ZNF648: variants seen among roughly 807,000 people sequenced by gnomAD.
The protein encoded by ZNF648 is zinc finger protein 648.
ZNF648 carries 1 observed loss-of-function variant against 0.3 expected under a neutral mutation model. The observed-to-expected ratio is 3.90, with a 90% CI of 1.39 to 18.51. The LOEUF is 18.51. Ranked by LOEUF, ZNF648 falls within the 30% of genes most tolerant of loss-of-function variation. The pLI is 0.11. For missense variants in ZNF648, 874 were observed against 769.7 expected (o/e 1.14, Z -1.60); for synonymous variants, 376 against 326.8 (o/e 1.15, Z -1.62).
the ZNF648 span, among the ~76,000 whole-genome samples, chr1:182,068,706 T>C: frequency 6.6e-6 from 1 of 151,936 alleles, no homozygotes; most frequent in Admixed American, 6.6e-5. Context: ...GAGGATCCCT[T>C]GAGCCCAGGA....
upstream of ZNF648, chr1:182,064,278 A>T (rs1210577484): frequency 6.6e-6 from 1 of 152,218 alleles, no homozygotes; most frequent in Non-Finnish European, 1.5e-5. Flanking sequence ...CTGAATCTAT[A>T]AATTGCTTTG....
chr1:182,062,670 G>T (rs188233503), upstream of ZNF648: 1 of 152,106 alleles, frequency 6.6e-6, no homozygotes, highest in Admixed American at 6.5e-5. Flanking sequence ...ACCCAAAAAC[G>T]TTAGCTGCTT....
upstream of ZNF648, among the ~76,000 whole-genome samples, chr1:182,066,394 G>T (rs1448291445): frequency 6.6e-6 from 1 of 152,210 alleles, no homozygotes; most frequent in East Asian, 1.9e-4. Flanking sequence ...ATCTGCCTGA[G>T]CTGCTTCCAA....
intron 1 of ZNF648, among the ~76,000 whole-genome samples, chr1:182,058,716 C>G (rs6656200): frequency 1.3e-5 from 2 of 152,342 alleles, no homozygotes; most frequent in African/African-American, 4.8e-5. Context: ...GCCAGGAAGG[C>G]TACCCATAAG....
At chr1:182,065,536 G>A (rs1295115127), upstream of ZNF648, among the ~76,000 whole-genome samples, 2 of 152,134 alleles carry the variant, frequency 1.3e-5, no homozygotes, top group African/African-American at 4.8e-5. Context: ...AATTGTCCAC[G>A]TGAGTCCTCC....
chr1:182,060,414 T>C (rs1206442460), intron 1 of ZNF648, among the ~76,000 whole-genome samples: 1 of 152,208 alleles, frequency 6.6e-6, no homozygotes, highest in Non-Finnish European at 1.5e-5. Flanking sequence ...TTCTGCCTGA[T>C]CATGAGCCCA....
At chr1:182,063,430 T>A (rs1449837706), upstream of ZNF648, 1 of 152,262 alleles carries the variant, frequency 6.6e-6, no homozygotes, top group Non-Finnish European at 1.5e-5. Flanking sequence ...ATTGTGGTTT[T>A]AATTTGCATT....
In ZNF648 at chr1:182,057,210, G is replaced by T; in HGVS notation, c.801C>A (p.Ser267Arg). The T allele has an allele frequency of 6.4e-7, 1 of 1,570,122 alleles. No individual in the cohort carries two copies. Among genetic ancestry groups the T allele is most frequent in the Admixed American group, 1.8e-5 (1 of 54,804 alleles). The change falls in exon 2 of 2, where the codon AGC becomes AGA. Residue 267 changes from serine (S) to arginine (R), a missense_variant. Transcript: ENST00000339948. ...RAFQKPSKPL[S>R]PAETRGGAAK... is the part of the protein sequence containing the mutation. ...CGGCGCCGCCGCGCGTCTCCGCGGG[G>T]CTCAGCGGCTTGCTGGGCTTCTGAA...
At position 182,057,367 on chromosome 1, in the gene ZNF648, G is replaced by T; in HGVS notation, c.644C>A (p.Thr215Asn). 1 of 1,612,276 alleles carries T rather than the reference G, an allele frequency of 6.2e-7. No homozygotes were observed. Among genetic ancestry groups the T allele is most frequent in the East Asian group, 2.2e-5 (1 of 44,874 alleles). The change falls in exon 2 of 2, where the codon ACC (threonine) becomes AAC (asparagine). Residue 215 changes from threonine to asparagine, a missense_variant. Physicochemically the swap from Thr to Asn is moderately conservative, Grantham distance 65. Transcript: ENST00000339948. ...GACCGCGGCAGCCAGGCTGGCTGGGGTGGCCGACGCCTGGGCTGGTGTATG... is the reference window on the plus strand; with the variant it reads ...GACCGCGGCAGCCAGGCTGGCTGGGTTGGCCGACGCCTGGGCTGGTGTATG... ...ETHTPAQASA[T>N]PASLAAAVLA...
chr1:182,067,803 A>G, the ZNF648 span, among the ~76,000 whole-genome samples: 1 of 152,264 alleles, frequency 6.6e-6, no homozygotes, highest in African/African-American at 2.4e-5. Flanking sequence ...CCCTCAGGGT[A>G]CAAGAGGCTG....
chr1:182,067,169 C>T, the ZNF648 span, among the ~76,000 whole-genome samples: 1 of 152,182 alleles, frequency 6.6e-6, no homozygotes, highest in African/African-American at 2.4e-5. Flanking sequence ...AGAACAGTGC[C>T]AGGTAGAATG....
In ZNF648 at chr1:182,057,985, C is replaced by A; in HGVS notation, c.26G>T (p.Arg9Met). ...GCTGAGAGGAGACGCCTCTCCCCACCTGTCCTGGGAGTCCACTTGTGCCAT... is the reference window on the plus strand; with the variant it reads ...GCTGAGAGGAGACGCCTCTCCCCACATGTCCTGGGAGTCCACTTGTGCCAT... MAQVDSQD[R>M]WGEASPLSSL... Residue 9 changes from arginine to methionine, a missense_variant, in exon 2 of 2, where the codon AGG becomes ATG. By Grantham distance (91) the Arg-to-Met change is moderately conservative (BLOSUM62 -1). Transcript: ENST00000339948. 6.2e-7 allele frequency: 1 copy of A among 1,610,742 alleles called. No homozygotes were observed. Among genetic ancestry groups the A allele is most frequent in the Non-Finnish European group, 8.5e-7 (1 of 1,178,356 alleles).
rs759303635 is a variant in ZNF648, at chr1:182,057,361, G to C, written c.650C>G (p.Ala217Gly). ...HTPAQASATP[A>G]SLAAAVLAKA... ...TGCCAGGACCGCGGCAGCCAGGCTG[G>C]CTGGGGTGGCCGACGCCTGGGCTGG... The change falls in exon 2 of 2, where the codon GCC becomes GGC. Residue 217 changes from alanine (A) to glycine (G), a missense_variant. Physicochemically the swap from Ala to Gly is moderately conservative, Grantham distance 60. Transcript: ENST00000339948. 2 of 1,611,684 alleles carry C rather than the reference G, an allele frequency of 1.2e-6. No homozygotes were observed. Among genetic ancestry groups the C allele is most frequent in the South Asian group, 1.1e-5 (1 of 91,054 alleles).
upstream of ZNF648, among the ~76,000 whole-genome samples, chr1:182,065,807 C>A (rs1016091874): frequency 2.6e-5 from 4 of 152,254 alleles, no homozygotes; most frequent in African/African-American, 9.6e-5. Context: ...GGCCTCAGAT[C>A]TGAATCCCAG....
rs1465337493 is a variant in ZNF648 at position 182,056,480 on chromosome 1, T to C, written c.1531A>G (p.Arg511Gly). 3 of 1,613,980 alleles carry C rather than the reference T, an allele frequency of 1.9e-6. No homozygotes were observed. Among genetic ancestry groups the C allele is most frequent in the East Asian group, 4.5e-5 (2 of 44,870 alleles). The change falls in exon 2 of 2, where the codon AGG becomes GGG. Residue 511 changes from arginine (R) to glycine (G), a missense_variant. Physicochemically the swap from Arg to Gly is moderately radical, Grantham distance 125. Transcript: ENST00000339948. ...AACTCAGAGGCAATGCGGAAGGCCC[T>C]GCCGCACTCGGCACAGAGGAATCCC... is the stretch of plus-strand genomic sequence containing the variant. ...EKGFLCAECGRAFRIASELAQ... is the reference protein window; with the variant it reads ...EKGFLCAECGGAFRIASELAQ...
upstream of ZNF648, among the ~76,000 whole-genome samples, chr1:182,065,436 T>G (rs981763175): frequency 2.0e-5 from 3 of 152,202 alleles, no homozygotes; most frequent in African/African-American, 7.2e-5. Flanking sequence ...TATTCCTCAT[T>G]CAGCCTGGAC....
Position 182,056,991 on chromosome 1 carries a change from G to A in ZNF648, c.1020C>T (p.Cys340=), listed in dbSNP as rs766938922. Residue 340 remains cysteine, a synonymous_variant, in exon 2 of 2, where the codon TGC becomes TGT. Transcript: ENST00000339948. ...TGEKPYPCPD[C]GKAFVRSSDL... ...CCGAAGAGCGCACGAAGGCCTTCCC[G>A]CAGTCTGGACACGGGTAGGGTTTCT... 3.7e-6 allele frequency: 6 copies of A among 1,613,796 alleles called. No homozygotes were observed. Among genetic ancestry groups the A allele is most frequent in the Non-Finnish European group, 5.1e-6 (6 of 1,179,954 alleles).
At position 182,056,146 on chromosome 1, in the gene ZNF648, G is replaced by A. The variant is rs752359974; in HGVS notation, c.*158C>T. On this transcript the variant is annotated 3_prime_UTR_variant, in exon 2 of 2. Transcript: ENST00000339948. ...AAACCACCCACCTGGGTGCTCTCTC[G>A]GTGGTGACTTTCTGTTCAAGGGATC... is the stretch of plus-strand genomic sequence containing the variant. 5.9e-6 allele frequency: 6 copies of A among 1,022,952 alleles called. No individual in the cohort carries two copies. Among genetic ancestry groups the A allele is most frequent in the South Asian group, 1.7e-5 (1 of 58,312 alleles). The allele number at this position is 1,022,952 out of a possible 1,614,324, so 63.4% of individuals were successfully genotyped here.
At chr1:182,059,918 G>A (rs1052383210) in intron 1 of ZNF648, among the ~76,000 whole-genome samples, 29 of 152,242 alleles carry the variant, frequency 1.9e-4, no homozygotes, top group Admixed American at 1.4e-3. Flanking sequence ...ACAGCTCATA[G>A]ACAGCAGCAG....
Sources: gnomAD v4.1 joint callset for allele counts (sites outside exome capture counted in the v4.1 genomes callset) on GRCh38, gnomAD v4.1.1 for gene constraint, MANE v1.5 for transcripts, NCBI Gene and HGNC (gene_info 2026-07-23, HGNC 2026-07-21) for gene names.